The following ZIM2 variants were observed in gnomAD, a reference collection of about 807,000 sequenced individuals.
ZIM2 encodes zinc finger protein 656.
In ZIM2, 14 loss-of-function variants were observed where a neutral mutation model predicts 38.6. The observed-to-expected ratio is 0.36, with a 90% CI of 0.24 to 0.57. The LOEUF (loss-of-function observed/expected upper bound fraction) is 0.57, where lower values mean the gene tolerates loss of function less well. ZIM2 is among the 20% of genes least tolerant of loss of function. ZIM2 has a pLI of 0.81. For missense variants in ZIM2, 680 were observed against 695.1 expected (o/e 0.98, Z 0.24); for synonymous variants, 247 against 245.8 (o/e 1.00, Z -0.04).
In ZIM2 at chr19:56,814,329, G is replaced by GGCTGCTGCTGCTGCA. The variant is rs768462739; in HGVS notation, c.490+3402_490+3416dup. ...CATGGACATTGGCTTCAACTTCCTG[G>GGCTGCTGCTGCTGCA]GCTGCTGCTGCTGCAGCTGCTGCTG... On this transcript the variant is annotated intron_variant, in intron 9 of 12. Coordinates refer to ENST00000629319, the MANE Select transcript of ZIM2 (RefSeq NM_001387356.1). This position sits in a 1 kb window ranked among gnomAD's most constrained non-coding sequence, Gnocchi z 5.8. The GGCTGCTGCTGCTGCA allele has an allele frequency of 6.9e-5, 111 of 1,613,734 alleles. No homozygotes were observed. Among genetic ancestry groups the GGCTGCTGCTGCTGCA allele is most frequent in the African/African-American group, 3.2e-4 (24 of 74,872 alleles).
Position 56,774,806 on chromosome 19 carries a change from G to A in ZIM2, c.1559C>T (p.Thr520Ile), listed in dbSNP as rs1011964841. ...SYLIQHYRTHTQERPYQCQLC... is the reference protein window; with the variant it reads ...SYLIQHYRTHIQERPYQCQLC... ...CTGACACTGGTAAGGCCTCTCTTGA[G>A]TGTGAGTTCTATAATGCTGAATGAG... The change falls in exon 13 of 13, where the codon ACT becomes ATT. Residue 520 changes from threonine (T) to isoleucine (I), a missense_variant. Coordinates refer to ENST00000629319, the MANE Select transcript of ZIM2 (RefSeq NM_001387356.1). 6.2e-7 allele frequency: 1 copy of A among 1,614,192 alleles called. No homozygotes were observed. The highest frequency in any genetic ancestry group is 1.3e-5 in the African/African-American group (1 of 75,048).
chr19:56,828,682 A>G (rs2061290455), intron 2 of ZIM2, among the ~76,000 whole-genome samples: 1 of 152,218 alleles, frequency 6.6e-6, no homozygotes, highest in African/African-American at 2.4e-5. Context: ...ATGACAGTTA[A>G]TGTTTGAAAT....
intron 2 of ZIM2, among the ~76,000 whole-genome samples, chr19:56,828,322 T>C (rs760981111): frequency 6.6e-6 from 1 of 152,206 alleles, no homozygotes; most frequent in Non-Finnish European, 1.5e-5. Context: ...GATATTGCAG[T>C]TGCAATCTGA....
intron 9 of ZIM2, among the ~76,000 whole-genome samples, chr19:56,794,073 G>C (rs908206055): frequency 3.9e-5 from 6 of 152,134 alleles, no homozygotes; most frequent in Non-Finnish European, 7.3e-5. Context: ...ACATTTATTA[G>C]CTGTATTATA....
chr19:56,834,093 C>A (rs1010489225), intron 2 of ZIM2, among the ~76,000 whole-genome samples: 1 of 152,112 alleles, frequency 6.6e-6, no homozygotes, highest in African/African-American at 2.4e-5. Flanking sequence ...TTTAAAGAGA[C>A]AAAATGTCTT....
chr19:56,792,622 T>C (rs2046998780), intron 9 of ZIM2, among the ~76,000 whole-genome samples: 1 of 148,366 alleles, frequency 6.7e-6, no homozygotes, highest in Admixed American at 6.7e-5. Context: ...ATACATGGAC[T>C]CTAAGACGGG....
chr19:56,787,105 G>C (rs892036937), intron 10 of ZIM2, among the ~76,000 whole-genome samples: 2 of 152,110 alleles, frequency 1.3e-5, no homozygotes, highest in Non-Finnish European at 2.9e-5. Context: ...CAAAGTGCTG[G>C]GGTTACAGGT....
chr19:56,780,806 G>A (rs1230576026), intron 11 of ZIM2, among the ~76,000 whole-genome samples: 3 of 152,130 alleles, frequency 2.0e-5, no homozygotes, highest in African/African-American at 4.8e-5. Flanking sequence ...AAGGCTTAAA[G>A]GAAAATTGAA....
chr19:56,819,787 T>A (rs2060301651), intron 7 of ZIM2, among the ~76,000 whole-genome samples: 8 of 152,146 alleles, frequency 5.3e-5, no homozygotes, highest in Admixed American at 5.2e-4. Flanking sequence ...GAAATACAAA[T>A]GTCTTGATAT....
At chr19:56,783,491 C>T (rs1174135666) in intron 10 of ZIM2, among the ~76,000 whole-genome samples, 1 of 152,154 alleles carries the variant, frequency 6.6e-6, no homozygotes, top group African/African-American at 2.4e-5. Flanking sequence ...AGAACAAAAT[C>T]GTGTCCTCTG....
At chr19:56,779,834 G>A (rs1425046522) in intron 11 of ZIM2, among the ~76,000 whole-genome samples, 1 of 151,974 alleles carries the variant, frequency 6.6e-6, no homozygotes, top group Non-Finnish European at 1.5e-5. Context: ...AGTGTGCTGA[G>A]CTCTACACTT....
At chr19:56,808,553 G>A (rs1215809700) in intron 9 of ZIM2, among the ~76,000 whole-genome samples, 2 of 152,076 alleles carry the variant, frequency 1.3e-5, no homozygotes, top group African/African-American at 4.8e-5. Flanking sequence ...TCTGGCTGGT[G>A]GGGAGATATG....
At chr19:56,782,904 T>C (rs2046397604) in intron 10 of ZIM2, among the ~76,000 whole-genome samples, 1 of 152,122 alleles carries the variant, frequency 6.6e-6, no homozygotes, top group Non-Finnish European at 1.5e-5. Flanking sequence ...AAATGTACAA[T>C]TAAGTTATTA....
At chr19:56,787,380 A>G (rs1416394350) in intron 10 of ZIM2, among the ~76,000 whole-genome samples, 2 of 151,722 alleles carry the variant, frequency 1.3e-5, no homozygotes, top group Non-Finnish European at 2.9e-5. Context: ...GGTTCAAGTG[A>G]GTCTCCCACC....
At chr19:56,779,076 A>G (rs2046179507) in intron 12 of ZIM2, among the ~76,000 whole-genome samples, 1 of 152,030 alleles carries the variant, frequency 6.6e-6, no homozygotes, top group Non-Finnish European at 1.5e-5. Flanking sequence ...TCAGGCCAGG[A>G]TTTTTTGTTT....
chr19:56,801,281 G>A (rs1324340587), intron 9 of ZIM2, among the ~76,000 whole-genome samples: 1 of 152,072 alleles, frequency 6.6e-6, no homozygotes, highest in Non-Finnish European at 1.5e-5. Flanking sequence ...AAGAGGTTTT[G>A]ATTTTTAATT....
Position 56,814,035 on chromosome 19 carries a change from C to T in ZIM2, c.490+3711G>A. The T allele has an allele frequency of 6.2e-7, 1 of 1,613,708 alleles. No homozygotes were observed. On this transcript the variant is annotated intron_variant, in intron 9 of 12. Transcript: ENST00000629319. The surrounding 1 kb of genome is among the most constrained non-coding windows in gnomAD (Gnocchi z 5.8). ...CTCCCTCTGGCTCTTCAGCTTTTCC[C>T]TCTGGCTCTTCAGCTCTTTCTTCTG...
Position 56,775,430 on chromosome 19 carries a change from C to G in ZIM2, c.935G>C (p.Arg312Thr), listed in dbSNP as rs146296476. 6.2e-7 allele frequency: 1 copy of G among 1,613,978 alleles called. No homozygotes were observed. The part of the protein sequence containing the change: ...MNDPKTLTPE[R>T]SYGSDEFERS... ...CTCAAATTCATCACTGCCATAGCTT[C>G]TTTCCGGAGTGAGGGTCTTGGGGTC... is the stretch of plus-strand genomic sequence containing the variant. Residue 312 changes from arginine to threonine, a missense_variant, in exon 13 of 13, where the codon AGA becomes ACA. Arg to Thr is a moderately conservative substitution (Grantham distance 71). Transcript: ENST00000629319.
intron 2 of ZIM2, among the ~76,000 whole-genome samples, chr19:56,831,582 T>C (rs2061574347): frequency 6.6e-6 from 1 of 152,226 alleles, no homozygotes; most frequent in Admixed American, 6.5e-5. Context: ...CATACTTTGT[T>C]CTAAGTAAGT....
Sources: allele counts gnomAD v4.1 joint callset (sites outside exome capture counted in the v4.1 genomes callset), GRCh38; gene constraint gnomAD v4.1.1; non-coding constraint Gnocchi (gnomAD v3.1); transcripts MANE v1.5; gene names NCBI Gene and HGNC (gene_info 2026-07-23, HGNC 2026-07-21).